UBR4: variants seen among roughly 807,000 people sequenced by gnomAD.
UBR4 encodes the protein ubiquitin protein ligase E3 component n-recognin 4, also known as E3 ubiquitin-protein ligase UBR4.
UBR4 carries 124 observed loss-of-function variants against 575.6 expected under a neutral mutation model. The ratio of observed to expected loss-of-function variants is 0.22; its 90% confidence interval spans 0.19 to 0.25. The LOEUF (loss-of-function observed/expected upper bound fraction) is 0.25. Ranked by LOEUF, UBR4 falls within the 10% of genes least tolerant of loss-of-function variation. UBR4 has a pLI of 1.00. For missense variants in UBR4, 4,818 were observed against 6,478.8 expected, an observed-to-expected ratio of 0.74 and a Z score of 8.80; for synonymous variants, 2,455 against 2,473.7, an observed-to-expected ratio of 0.99 and a Z score of 0.22.
rs2085893911 is a variant in UBR4 at position 19,152,631 on chromosome 1, T to C, written c.6833-155A>G. The stretch of plus-strand genomic sequence containing the variant: ...CATCGGCATGATGCCTACATGTGGT[T>C]AGCTCTCCAATGGTTGTTATCCCTA... On this transcript the variant is annotated intron_variant, in intron 46 of 105. Coordinates refer to ENST00000375254, the MANE Select transcript of UBR4 (RefSeq NM_020765.3). This position sits in a 1 kb window ranked among gnomAD's most constrained non-coding sequence, Gnocchi z 4.4. Among the ~76,000 whole-genome samples, 1 of 152,244 alleles carries C rather than the reference T, an allele frequency of 6.6e-6. No homozygotes were observed. The highest frequency in any genetic ancestry group is 2.4e-5 in the African/African-American group (1 of 41,462).
At position 19,110,884 on chromosome 1, in the gene UBR4, C is replaced by G; in HGVS notation, c.11802-52G>C. On this transcript the variant is annotated intron_variant, in intron 78 of 105. Transcript: ENST00000375254. This position sits in a 1 kb window ranked among gnomAD's most constrained non-coding sequence, Gnocchi z 4.5. ...CTATAATTCACAATCAGGTGTGACA[C>G]TCCTTTCCACCTGAAGGGGCCCAGG... 1 of 1,548,880 alleles carries G rather than the reference C, an allele frequency of 6.5e-7. No individual in the cohort carries two copies. The highest frequency in any genetic ancestry group is 1.2e-5 in the South Asian group (1 of 86,796).
chr1:19,092,470 AG>A (rs1209523145), intron 97 of UBR4, among the ~76,000 whole-genome samples: 1 of 151,434 alleles, frequency 6.6e-6, no homozygotes, highest in East Asian at 1.9e-4. Context: ...CCTAAGAACA[AG>A]GGGTTCAGCT....
chr1:19,143,747 A>G (rs1034613240), intron 55 of UBR4, among the ~76,000 whole-genome samples: 4 of 152,204 alleles, frequency 2.6e-5, no homozygotes, highest in African/African-American at 9.6e-5. Context: ...TGATTTTACT[A>G]TGGTACTTTT....
chr1:19,113,042 G>C (rs2080074172), intron 77 of UBR4, 175 bp from the exon 78 acceptor site: 1 of 687,384 alleles, frequency 1.5e-6, no homozygotes, highest in Non-Finnish European at 2.3e-6. Context: ...GGAAACTGAA[G>C]CTTGGAGAAA....
At position 19,146,868 on chromosome 1, in the gene UBR4, G is replaced by A; in HGVS notation, c.7762C>T (p.Leu2588Phe). ...RSIAIMRPNN[L>F]VHFTESKLPQ... ...AGCTTTGACTCCGTAAAGTGGACAA[G>A]GTTGTTGGGGCGCATGATGGCAATG... The change falls in exon 52 of 106, where the codon CTT becomes TTT. Residue 2588 changes from leucine (L) to phenylalanine (F), a missense_variant. Coordinates refer to ENST00000375254, the MANE Select transcript of UBR4 (RefSeq NM_020765.3). 6.2e-7 allele frequency: 1 copy of A among 1,614,178 alleles called. No homozygotes were observed. Among genetic ancestry groups the A allele is most frequent in the Non-Finnish European group, 8.5e-7 (1 of 1,180,002 alleles).
At position 19,121,485 on chromosome 1, in the gene UBR4, T is replaced by A. The variant is rs558893574; in HGVS notation, c.9896-51A>T. ...ACCTCTGAGACGACCTCAACCAGAC[T>A]CAGGAGAACCAAAACAACGTCTCCC... On this transcript the variant is annotated intron_variant, in intron 67 of 105. Coordinates refer to ENST00000375254, the MANE Select transcript of UBR4 (RefSeq NM_020765.3). 3 of 1,569,174 alleles carry A rather than the reference T, an allele frequency of 1.9e-6. No individual in the cohort carries two copies. The Admixed American group carries it at 5.6e-5, about 29-fold the overall frequency.
At chr1:19,147,052 A>C (rs1034012193) in intron 51 of UBR4, 52 bp from the exon 52 acceptor site, 1 of 1,512,874 alleles carries the variant, frequency 6.6e-7, no homozygotes, top group Non-Finnish European at 8.9e-7. Flanking sequence ...AGCTGGGTAC[A>C]AAAGCAAAGA....
intron 50 of UBR4, 77 bp downstream of exon 50, chr1:19,148,486 G>T: frequency 6.5e-7 from 1 of 1,537,994 alleles, no homozygotes; most frequent in Non-Finnish European, 9.0e-7. Flanking sequence ...TAGCTTCGAG[G>T]CCTCAGGGCC....
intron 67 of UBR4, among the ~76,000 whole-genome samples, 193 bp from the exon 68 acceptor site, chr1:19,121,627 G>A (rs951484081): frequency 3.3e-5 from 5 of 152,122 alleles, no homozygotes; most frequent in African/African-American, 7.2e-5. Flanking sequence ...ACTACACACC[G>A]ACCAGAGCCC....
At chr1:19,113,113 C>G (rs942251977) in intron 77 of UBR4, 1 of 480,390 alleles carries the variant, frequency 2.1e-6, no homozygotes, top group African/African-American at 2.0e-5. Context: ...GGCTTATGCT[C>G]TTAACTCCCA....
chr1:19,174,081 G>T (rs928861818), intron 22 of UBR4, among the ~76,000 whole-genome samples: 2 of 152,244 alleles, frequency 1.3e-5, no homozygotes, highest in Non-Finnish European at 1.5e-5. Context: ...AGCACTTGGG[G>T]GGGGACCACT....
chr1:19,174,892 GGCT>G (rs2090055936), intron 21 of UBR4, 59 bp downstream of exon 21: 3 of 1,476,296 alleles, frequency 2.0e-6, no homozygotes, highest in Non-Finnish European at 1.9e-6. Context: ...CCCCCCAGTA[GGCT>G]GATTCTGGTG....
chr1:19,151,824 A>G lies in UBR4; in HGVS notation c.7032T>C (p.Asn2344=), dbSNP rs1007626133. ...GGFTIEISNN[N]STMVMTGMRI... ...GCATGCCTGTCATCACCATAGTGCTATTGTTGTTACTAATCTCAATGGTGA... is the reference window on the plus strand; with the variant it reads ...GCATGCCTGTCATCACCATAGTGCTGTTGTTGTTACTAATCTCAATGGTGA... The change falls in exon 48 of 106, where the codon AAT becomes AAC. Residue 2344 remains asparagine (N), a synonymous_variant. Coordinates refer to ENST00000375254, the MANE Select transcript of UBR4 (RefSeq NM_020765.3). The G allele has an allele frequency of 1.9e-6, 3 of 1,611,672 alleles. No individual in the cohort carries two copies. The highest frequency in any genetic ancestry group is 2.5e-6 in the Non-Finnish European group (3 of 1,178,604).
Position 19,210,207 on chromosome 1 carries a change from C to T in UBR4, c.42G>A (p.Pro14=), listed in dbSNP as rs1309610552. 1 of 1,458,440 alleles carries T rather than the reference C, an allele frequency of 6.9e-7. No individual in the cohort carries two copies. The highest frequency in any genetic ancestry group is 9.0e-7 in the Non-Finnish European group (1 of 1,109,290). 90.3% of individuals were successfully genotyped at this position (1,458,440 alleles called of 1,614,324 possible). A position where few individuals can be genotyped will look rare whatever the true frequency, so the allele number is the denominator to read the frequency against. The part of the protein sequence containing the change: ...SGGEEAAAAA[P]APGTPATGAD... ...CCCCCGTTGCCGGGGTCCCCGGCGC[C>T]GGAGCCGCTGCCGCCGCCTCTTCGC... Residue 14 remains proline (P), a synonymous_variant, in exon 1 of 106, where the codon CCG becomes CCA. Coordinates refer to ENST00000375254, the MANE Select transcript of UBR4 (RefSeq NM_020765.3).
At chr1:19,080,463 C>G (rs754312886) in intron 103 of UBR4, 1 of 152,206 alleles carries the variant, frequency 6.6e-6, no homozygotes, top group Non-Finnish European at 1.5e-5. Context: ...GTCTTTATCA[C>G]GGCCCTAAAA....
rs141287930 is a variant in UBR4, at chr1:19,161,129, G to A, written c.5194C>T (p.Pro1732Ser). Residue 1732 changes from proline to serine, a missense_variant, in exon 38 of 106, where the codon CCT (proline) becomes TCT (serine). Physicochemically the swap from Pro to Ser is moderately conservative, Grantham distance 74. Transcript: ENST00000375254. ...ATGGTAGAGCTCATGCCACTGCTAG[G>A]AGTTCTCTTCACCAGAGCCTAGGGA... ...GSCLALVKRT[P>S]SSGMSSTMKE... 48 of 1,614,010 alleles carry A rather than the reference G, an allele frequency of 3.0e-5. No homozygotes were observed. The East Asian group carries it at 1.0e-3, about 34-fold the overall frequency.
chr1:19,161,782 T>C lies in UBR4; in HGVS notation c.5027+45A>G, dbSNP rs776831651. ...CAAATAAGCTCAGAAGTCCCAACAA[T>C]CGGTGCCCAGCAAATCTTCACCTTA... On this transcript the variant is annotated intron_variant, in intron 36 of 105. Transcript: ENST00000375254. The C allele has an allele frequency of 4.5e-5, 73 of 1,613,996 alleles. No homozygotes were observed. In the South Asian group the frequency reaches 7.9e-4, roughly 17 times the overall value.
Position 19,153,637 on chromosome 1 carries a change from T to C in UBR4, c.6630+131A>G. The C allele has an allele frequency of 2.7e-6, 4 of 1,467,360 alleles. No individual in the cohort carries two copies. Among genetic ancestry groups the C allele is most frequent in the Non-Finnish European group, 3.7e-6 (4 of 1,081,470 alleles). 90.9% of individuals were successfully genotyped at this position (1,467,360 alleles called of 1,614,324 possible). A position where few individuals can be genotyped will look rare whatever the true frequency, so the allele number is the denominator to read the frequency against. ...ACAGAAGGGTGGCAAAGAAAAGGCA[T>C]CTAGAAGAAAAAGGACTGAAAATCT... On this transcript the variant is annotated intron_variant, in intron 45 of 105. Transcript: ENST00000375254. The surrounding 1 kb of genome is among the most constrained non-coding windows in gnomAD (Gnocchi z 4.1).
intron 81 of UBR4, 128 bp from the exon 82 acceptor site, chr1:19,107,094 G>T: frequency 7.4e-7 from 1 of 1,349,948 alleles, no homozygotes; most frequent in East Asian, 2.6e-5. Flanking sequence ...ATCAACACGT[G>T]TATCTCTTAT....
Sources: gnomAD v4.1 joint callset for allele counts (sites outside exome capture counted in the v4.1 genomes callset) on GRCh38, gnomAD v4.1.1 for gene constraint, Gnocchi (gnomAD v3.1) non-coding constraint, MANE v1.5 for transcripts, NCBI Gene and HGNC (gene_info 2026-07-23, HGNC 2026-07-21) for gene names.